The following ELF1 variants were observed in gnomAD, a reference collection of about 807,000 sequenced individuals.
ELF1 encodes E74 like ETS transcription factor 1.
Under a neutral mutation model 59.9 loss-of-function variants are expected in ELF1, and 24 were observed. The ratio of observed to expected loss-of-function variants is 0.40; its 90% CI spans 0.29 to 0.56. ELF1 has a LOEUF of 0.56. Among genes scored for constraint, ELF1 ranks in the 20% least tolerant of loss-of-function variants. The pLI is 0.44. For missense variants in ELF1, 627 were observed against 742.2 expected, an observed-to-expected ratio of 0.84 and a Z score of 1.80; for synonymous variants, 248 against 266.2, an observed-to-expected ratio of 0.93 and a Z score of 0.67.
At chr13:40,994,893 C>G (rs977839423) in intron 1 of ELF1, among the ~76,000 whole-genome samples, 5 of 152,104 alleles carry the variant, frequency 3.3e-5, no homozygotes, top group African/African-American at 1.2e-4. Context: ...TGCAATGGTT[C>G]CCCCATCTGA....
At chr13:40,963,817 G>C (rs996041080) in intron 2 of ELF1, among the ~76,000 whole-genome samples, 3 of 152,048 alleles carry the variant, frequency 2.0e-5, no homozygotes, top group Admixed American at 2.0e-4. Context: ...TGAGGCAGGA[G>C]AATCACTTAA....
At position 41,061,082 on chromosome 13, in the gene ELF1, G is replaced by C. The variant is rs1412112286; in HGVS notation, c.-473C>G. On this transcript the variant is annotated 5_prime_UTR_variant, in exon 1 of 2. Transcript: ENST00000405737. ...CGAAGCCTAGCGACTCGCAGCGCCG[G>C]TCCCGCAGTTTCACCTCTTTTTTTT... 4 of 196,158 alleles carry C rather than the reference G, an allele frequency of 2.0e-5. 1 individual carries two copies. Among genetic ancestry groups the C allele is most frequent in the Non-Finnish European group, 4.4e-5 (4 of 90,554 alleles). 12.2% of individuals were successfully genotyped at this position (196,158 alleles called of 1,614,324 possible).
At chr13:41,006,635 T>C (rs544824972) in intron 1 of ELF1, among the ~76,000 whole-genome samples, 1 of 152,344 alleles carries the variant, frequency 6.6e-6, no homozygotes, top group Admixed American at 6.5e-5. Flanking sequence ...TATAACAATA[T>C]GCAAGTTTTT....
intron 1 of ELF1, among the ~76,000 whole-genome samples, chr13:41,018,934 G>A (rs570562762): frequency 1.3e-5 from 2 of 151,992 alleles, no homozygotes; most frequent in African/African-American, 4.8e-5. Flanking sequence ...TTTGCTTTGT[G>A]GTACTTAAAA....
At chr13:41,045,199 T>C (rs184606327) in intron 1 of ELF1, among the ~76,000 whole-genome samples, 101 of 152,102 alleles carry the variant, frequency 6.6e-4, no homozygotes, top group African/African-American at 2.3e-3. Context: ...TTCATTAGTC[T>C]TGCTAGTGGT....
intron 1 of ELF1, among the ~76,000 whole-genome samples, chr13:41,033,399 A>G (rs1221534189): frequency 1.3e-5 from 2 of 152,272 alleles, no homozygotes; most frequent in South Asian, 2.1e-4. Context: ...TCTCAAATAC[A>G]TAACGAAAAG....
At chr13:40,993,399 G>A (rs1238097565) in intron 1 of ELF1, 9 of 798,980 alleles carry the variant, frequency 1.1e-5, no homozygotes, top group Admixed American at 1.1e-4. Context: ...GGTCTGGGGG[G>A]AGCGGGGCTG....
At chr13:41,046,428 GTTCCT>G (rs889511273) in intron 1 of ELF1, among the ~76,000 whole-genome samples, 17 of 152,304 alleles carry the variant, frequency 1.1e-4, no homozygotes, top group African/African-American at 4.1e-4. Context: ...GGTACCAGTT[GTTCCT>G]TTCCATGTTT....
chr13:40,942,877 C>T, intron 7 of ELF1, 75 bp downstream of exon 7: 1 of 1,398,692 alleles, frequency 7.1e-7, no homozygotes. Context: ...CTTTGCTGAA[C>T]TTAAGCTTAG....
intron 1 of ELF1, among the ~76,000 whole-genome samples, chr13:41,039,351 A>C (rs1172342762): frequency 4.0e-5 from 6 of 151,690 alleles, no homozygotes; most frequent in East Asian, 1.9e-4. Flanking sequence ...AAAAAAAAAA[A>C]AAAAAACCTA....
At chr13:40,983,966 C>T (rs1288104995) in intron 1 of ELF1, among the ~76,000 whole-genome samples, 1 of 152,176 alleles carries the variant, frequency 6.6e-6, no homozygotes, top group Non-Finnish European at 1.5e-5. Flanking sequence ...CAAAGCCTCC[C>T]AACATCTATG....
At chr13:40,959,451 G>A (rs1341771845) in intron 2 of ELF1, among the ~76,000 whole-genome samples, 3 of 152,006 alleles carry the variant, frequency 2.0e-5, no homozygotes, top group Admixed American at 6.6e-5. Context: ...AGCCGAGATC[G>A]CACCACTGCA....
intron 2 of ELF1, among the ~76,000 whole-genome samples, chr13:40,971,959 G>A (rs975967598): frequency 6.8e-6 from 1 of 146,360 alleles, no homozygotes; most frequent in East Asian, 2.0e-4. Flanking sequence ...TTGGGGGGGG[G>A]TATAGTAAAT....
intron 1 of ELF1, among the ~76,000 whole-genome samples, chr13:40,991,377 A>G (rs1873844958): frequency 6.6e-6 from 1 of 152,226 alleles, no homozygotes; most frequent in Non-Finnish European, 1.5e-5. Flanking sequence ...CTGTAAATAT[A>G]AAACTACTCT....
rs1450774870 is a variant in ELF1, at chr13:41,033,366, T to A, written c.-229+27472A>T. 5.3e-5 allele frequency among the ~76,000 whole-genome samples: 8 copies of A among 152,340 alleles called. No homozygotes were observed. In the East Asian group the frequency reaches 1.5e-3, roughly 29 times the overall value. On this transcript the variant is annotated intron_variant, in intron 1 of 1. Coordinates refer to the ELF1 transcript ENST00000405737. ...AATAATTCACTTAAATTACTTGTTA[T>A]AGTGCCAGGACACATAGTATGTTCT... is the stretch of plus-strand genomic sequence containing the variant.
At chr13:40,988,887 G>A (rs553726532) in intron 1 of ELF1, among the ~76,000 whole-genome samples, 26 of 151,958 alleles carry the variant, frequency 1.7e-4, no homozygotes, top group South Asian at 1.0e-3. Context: ...TGCAACCTCC[G>A]CCTGGGTTCA....
chr13:40,956,075 T>C (rs1387799695), intron 3 of ELF1, among the ~76,000 whole-genome samples: 34 of 148,142 alleles, frequency 2.3e-4, no homozygotes, highest in East Asian at 7.8e-4. Context: ...GGAGGTGTAC[T>C]CAACAGCTCA....
rs1235250079 is a variant in ELF1 at position 40,933,622 on chromosome 13, AAGTGATTAC to A, written c.1654_1662del (p.Val552_Thr554del). On this transcript the variant is annotated inframe_deletion, in exon 9 of 9. Transcript: ENST00000239882. ...TTTGTTTCTTGAGTTTTGATAACTG[AAGTGATTAC>A]AGTGCCAGGTGGGTGAGCAACCAGC... 3 of 1,614,100 alleles carry A rather than the reference AAGTGATTAC, an allele frequency of 1.9e-6. No individual in the cohort carries two copies. Among genetic ancestry groups the A allele is most frequent in the African/African-American group, 1.3e-5 (1 of 74,918 alleles).
intron 2 of ELF1, among the ~76,000 whole-genome samples, chr13:40,976,203 A>G (rs989749615): frequency 6.6e-6 from 1 of 152,238 alleles, no homozygotes; most frequent in African/African-American, 2.4e-5. Flanking sequence ...GGAAAATTAC[A>G]TAGTGTGAAA....
Sources: gnomAD v4.1 joint callset for allele counts (sites outside exome capture counted in the v4.1 genomes callset) on GRCh38, gnomAD v4.1.1 for gene constraint, MANE v1.5 for transcripts, NCBI Gene and HGNC (gene_info 2026-07-23, HGNC 2026-07-21) for gene names.